The following NRXN3 variants were observed in gnomAD, a reference collection of about 807,000 sequenced individuals.
NRXN3 encodes the protein neurexin 3.
In NRXN3, 32 loss-of-function variants were observed where a neutral mutation model predicts 137.6. The ratio of observed to expected loss-of-function variants is 0.23; its 90% CI spans 0.18 to 0.31. The LOEUF (loss-of-function observed/expected upper bound fraction) is 0.31. NRXN3 is among the 10% of genes least tolerant of loss of function. NRXN3 has a pLI of 1.00. For missense variants in NRXN3, 1,574 were observed against 2,062.5 expected, an observed-to-expected ratio of 0.76 and a Z score of 4.59; for synonymous variants, 798 against 784.5, an observed-to-expected ratio of 1.02 and a Z score of -0.29.
intron 4 of NRXN3, among the ~76,000 whole-genome samples, chr14:78,414,046 G>A (rs2092993364): frequency 6.6e-6 from 1 of 152,144 alleles, no homozygotes; most frequent in Non-Finnish European, 1.5e-5. Context: ...ACATGCCTTT[G>A]CTCTTCCTTT....
intron 15 of NRXN3, among the ~76,000 whole-genome samples, chr14:79,261,473 C>G (rs1409570666): frequency 6.6e-6 from 1 of 152,052 alleles, no homozygotes; most frequent in African/African-American, 2.4e-5. Context: ...GAGGGGACGT[C>G]TCATGGAAGA....
intron 4 of NRXN3, among the ~76,000 whole-genome samples, chr14:78,444,082 A>G (rs534032121): frequency 6.6e-6 from 1 of 152,332 alleles, no homozygotes; most frequent in South Asian, 2.1e-4. Context: ...TTCACATCAA[A>G]TCAGAGTTAG....
intron 4 of NRXN3, among the ~76,000 whole-genome samples, chr14:78,441,345 C>CCTTCATCAGAATTTT (rs2094240981): frequency 6.6e-6 from 1 of 152,090 alleles, no homozygotes; most frequent in Non-Finnish European, 1.5e-5. Context: ...CTTGCAATTT[C>CCTTCATCAGAATTTT]CTTCATCAGA....
intron 15 of NRXN3, among the ~76,000 whole-genome samples, chr14:78,988,688 T>C (rs1038098713): frequency 1.3e-5 from 2 of 152,190 alleles, no homozygotes; most frequent in Admixed American, 6.5e-5. Flanking sequence ...CTTTCAGATA[T>C]AGGGTAGAAA....
chr14:78,591,718 T>G (rs1284159668), intron 4 of NRXN3, among the ~76,000 whole-genome samples: 2 of 152,146 alleles, frequency 1.3e-5, no homozygotes, highest in African/African-American at 4.8e-5. Flanking sequence ...TCACTGTACA[T>G]GGGTTGTTTG....
chr14:79,625,324 T>TA (rs1006709728), intron 16 of NRXN3, among the ~76,000 whole-genome samples: 11 of 152,010 alleles, frequency 7.2e-5, no homozygotes, highest in East Asian at 1.9e-4. Flanking sequence ...TTTTAGTGGT[T>TA]AAAAAAAATA....
At chr14:78,935,709 C>A (rs1459523730) in intron 10 of NRXN3, among the ~76,000 whole-genome samples, 1 of 152,078 alleles carries the variant, frequency 6.6e-6, no homozygotes, top group Non-Finnish European at 1.5e-5. Context: ...TTTATCCCAC[C>A]ATCTCATACT....
chr14:79,150,885 G>C (rs914755352), intron 15 of NRXN3, among the ~76,000 whole-genome samples: 2 of 152,042 alleles, frequency 1.3e-5, no homozygotes, highest in African/African-American at 4.8e-5. Context: ...ATTGGAGCCA[G>C]CAATTCAGCA....
At chr14:79,830,400 A>C (rs2141233969) in intron 20 of NRXN3, among the ~76,000 whole-genome samples, 1 of 152,268 alleles carries the variant, frequency 6.6e-6, no homozygotes, top group South Asian at 2.1e-4. Context: ...AAATGGAGGC[A>C]CCTTTTTTTC....
intron 6 of NRXN3, among the ~76,000 whole-genome samples, chr14:78,689,480 C>A (rs529447195): frequency 2.9e-4 from 44 of 152,156 alleles, no homozygotes; most frequent in African/African-American, 1.0e-3. Flanking sequence ...TGCCCTAAGT[C>A]CTTTTCAGTT....
intron 15 of NRXN3, among the ~76,000 whole-genome samples, chr14:79,459,062 A>G (rs2096292569): frequency 6.6e-6 from 1 of 152,158 alleles, no homozygotes; most frequent in Admixed American, 6.5e-5. Context: ...TGAGAATATT[A>G]GAGATACAGT....
Position 79,166,515 on chromosome 14 carries a change from G to A in NRXN3, c.3262+178374G>A, listed in dbSNP as rs547560084. The stretch of plus-strand genomic sequence containing the variant: ...ATTCAAGTAGAATCTCATCTAGTAT[G>A]TGTTGAAAATGCTCATTTTTTGTTT... On this transcript the variant is annotated intron_variant, in intron 15 of 20. Coordinates refer to ENST00000335750, the MANE Select transcript of NRXN3 (RefSeq NM_001330195.2). Among the ~76,000 whole-genome samples, 4 of 150,036 alleles carry A rather than the reference G, an allele frequency of 2.7e-5. No homozygotes were observed. In the East Asian group the frequency reaches 7.8e-4, roughly 29 times the overall value.
At chr14:78,752,224 G>A (rs2098646269) in intron 8 of NRXN3, among the ~76,000 whole-genome samples, 1 of 152,188 alleles carries the variant, frequency 6.6e-6, no homozygotes, top group Admixed American at 6.5e-5. Flanking sequence ...CTGGGCAACA[G>A]GGTGAAACCC....
chr14:79,776,615 G>A (rs1222545011), intron 19 of NRXN3, among the ~76,000 whole-genome samples: 3 of 152,150 alleles, frequency 2.0e-5, no homozygotes, highest in Non-Finnish European at 4.4e-5. Context: ...CTGACGTAGA[G>A]GACTGAGCTC....
chr14:79,688,488 A>G (rs192635588), intron 17 of NRXN3, among the ~76,000 whole-genome samples: 19 of 152,218 alleles, frequency 1.2e-4, no homozygotes, highest in African/African-American at 3.1e-4. Context: ...CAAGAGTTCT[A>G]TTTTTCAGTT....
chr14:79,111,118 G>A (rs1457460300), intron 15 of NRXN3, among the ~76,000 whole-genome samples: 2 of 152,034 alleles, frequency 1.3e-5, no homozygotes, highest in African/African-American at 4.8e-5. Context: ...AGTTTTTTGG[G>A]AAATTGAGAA....
At chr14:78,880,274 A>AT (rs1319993492) in intron 10 of NRXN3, among the ~76,000 whole-genome samples, 1 of 149,318 alleles carries the variant, frequency 6.7e-6, no homozygotes, top group Non-Finnish European at 1.5e-5. Context: ...GAATTGACCC[A>AT]TTTACAATAG....
intron 10 of NRXN3, among the ~76,000 whole-genome samples, chr14:78,930,056 G>A (rs1230430061): frequency 6.6e-6 from 1 of 152,144 alleles, no homozygotes; most frequent in Admixed American, 6.5e-5. Flanking sequence ...GGCATGAACA[G>A]CTGTAGATAA....
At chr14:78,177,628 T>C (rs2059399467) in intron 1 of NRXN3, among the ~76,000 whole-genome samples, 1 of 152,006 alleles carries the variant, frequency 6.6e-6, no homozygotes, top group Admixed American at 6.6e-5. Flanking sequence ...TAAGACGACA[T>C]CACACACTTT....
Sources: gnomAD v4.1 joint callset for allele counts (sites outside exome capture counted in the v4.1 genomes callset) on GRCh38, gnomAD v4.1.1 for gene constraint, MANE v1.5 for transcripts, NCBI Gene and HGNC (gene_info 2026-07-23, HGNC 2026-07-21) for gene names.